Variants in GPR89B observed in about 807,000 individuals in gnomAD.
GPR89B encodes the protein golgi pH regulator B, also known as G protein-coupled receptor 89B.
GPR89B carries 25 observed loss-of-function variants against 52.4 expected under a neutral mutation model. The observed-to-expected ratio is 0.48, with a 90% CI of 0.35 to 0.67. The LOEUF (loss-of-function observed/expected upper bound fraction) is 0.67, where lower values mean the gene tolerates loss of function less well. Among genes scored for constraint, GPR89B ranks in the 30% least tolerant of loss-of-function variants. The pLI is 0.01. For synonymous variants in GPR89B, 52 were observed against 151.2 expected (o/e 0.34, Z 4.81); for missense variants, 146 against 450.2 (o/e 0.32, Z 6.11).
chr1:147,975,320 G>T (rs1217690960), intron 10 of GPR89B, among the ~76,000 whole-genome samples: 4 of 140,640 alleles, frequency 2.8e-5, no homozygotes, highest in Non-Finnish European at 6.2e-5. Context: ...TGGATGGTAG[G>T]CTTATTACTG....
chr1:147,958,070 G>GAA lies in GPR89B; in HGVS notation c.617+3678_617+3679dup. 3.0e-5 allele frequency among the ~76,000 whole-genome samples: 4 copies of GAA among 131,970 alleles called. 1 individual carries two copies. 86.6% of individuals were successfully genotyped at this position (131,970 alleles called of 152,430 possible). A position where few individuals can be genotyped will look rare whatever the true frequency, so the allele number is the denominator to read the frequency against. On this transcript the variant is annotated intron_variant, in intron 7 of 13. Coordinates refer to ENST00000314163, the MANE Select transcript of GPR89B (RefSeq NM_016334.5). Reference sequence around the variant, plus strand: ...TGGAGTGAGACTCCGTCTCAAAAAAGAAAAAAAAAAAGAATGATAAAGAAG... The same window carrying GAA: ...TGGAGTGAGACTCCGTCTCAAAAAAGAAAAAAAAAAAAAGAATGATAAAGAAG...
intron 7 of GPR89B, among the ~76,000 whole-genome samples, chr1:147,963,378 A>T (rs1243733594): frequency 7.1e-5 from 10 of 141,256 alleles, no homozygotes; most frequent in African/African-American, 2.4e-4. Context: ...TCCTTCTTAA[A>T]AAAAAAAAAA....
chr1:147,938,064 G>A (rs1482653616), intron 2 of GPR89B, among the ~76,000 whole-genome samples: 3 of 152,052 alleles, frequency 2.0e-5, no homozygotes, highest in South Asian at 2.1e-4. Flanking sequence ...CTTCTGCTGC[G>A]GCTTCAGCCA....
At chr1:147,985,052 T>G (rs1478270270) in intron 10 of GPR89B, among the ~76,000 whole-genome samples, 4 of 152,176 alleles carry the variant, frequency 2.6e-5, no homozygotes, top group Admixed American at 2.6e-4. Flanking sequence ...ATTTTATCAG[T>G]TATTGAGAGA....
chr1:147,964,727 TCTAA>T (rs1331286680), intron 7 of GPR89B, among the ~76,000 whole-genome samples: 4 of 149,120 alleles, frequency 2.7e-5, no homozygotes, highest in Non-Finnish European at 4.4e-5. Flanking sequence ...TCTATGTGCC[TCTAA>T]CTTTCACTTC....
downstream of GPR89B, chr1:147,994,438 G>A (rs1424109388): frequency 2.3e-5 from 16 of 697,406 alleles, no homozygotes; most frequent in South Asian, 3.7e-5. Context: ...GACTTAAGTC[G>A]GGGAGTAGAG....
chr1:147,928,719 G>A (rs1571205964), intron 1 of GPR89B, 141 bp downstream of exon 1: 12 of 1,303,728 alleles, frequency 9.2e-6, no homozygotes, highest in Non-Finnish European at 1.3e-5. Flanking sequence ...ACACAGAGAG[G>A]GTGTGCGATT....
the GPR89B span, among the ~76,000 whole-genome samples, chr1:148,007,225 A>G: frequency 2.7e-4 from 38 of 143,218 alleles, 1 homozygote; most frequent in African/African-American, 1.0e-3. Context: ...ACAGGCGCCC[A>G]CCACCACACC....
chr1:147,962,477 A>T, intron 7 of GPR89B, among the ~76,000 whole-genome samples: 1 of 151,496 alleles, frequency 6.6e-6, no homozygotes, highest in Non-Finnish European at 1.5e-5. Context: ...ACACCCAGCT[A>T]ATTTTTGACA....
At chr1:147,990,506 G>A (rs1658981534) in intron 12 of GPR89B, among the ~76,000 whole-genome samples, 1 of 152,092 alleles carries the variant, frequency 6.6e-6, no homozygotes, top group Non-Finnish European at 1.5e-5. Context: ...TGGTGTTTTA[G>A]ACATGAAGTC....
the GPR89B span, chr1:148,005,467 A>T: frequency 3.7e-6 from 6 of 1,605,084 alleles, no homozygotes; most frequent in Non-Finnish European, 5.1e-6. Context: ...TCTCATAGCC[A>T]CACCTTGAGG....
intron 5 of GPR89B, among the ~76,000 whole-genome samples, chr1:147,947,456 G>A (rs1371665683): frequency 6.6e-6 from 1 of 151,860 alleles, no homozygotes; most frequent in African/African-American, 2.4e-5. Context: ...AAGAGTAAGA[G>A]AGATTACAAA....
At chr1:148,019,184 C>G in the GPR89B span, among the ~76,000 whole-genome samples, 1 of 149,990 alleles carries the variant, frequency 6.7e-6, no homozygotes. Context: ...ACCATATTGG[C>G]CAGGCTGGTC....
At chr1:147,996,258 G>T (rs1659315780), downstream of GPR89B, among the ~76,000 whole-genome samples, 2 of 150,890 alleles carry the variant, frequency 1.3e-5, no homozygotes, top group South Asian at 4.2e-4. Context: ...GCCAATCAGG[G>T]TTGATAGTGA....
intron 10 of GPR89B, among the ~76,000 whole-genome samples, chr1:147,975,750 G>C (rs1657788087): frequency 1.3e-5 from 2 of 152,092 alleles, no homozygotes; most frequent in Non-Finnish European, 2.9e-5. Flanking sequence ...TGTGATGTTA[G>C]GGTGTCGATT....
chr1:147,971,880 A>G (rs1471138288), intron 10 of GPR89B, among the ~76,000 whole-genome samples: 9 of 151,540 alleles, frequency 5.9e-5, no homozygotes, highest in Non-Finnish European at 8.8e-5. Flanking sequence ...ATATATACCT[A>G]TGCAACAACC....
At chr1:147,978,050 G>C (rs1657969474) in intron 10 of GPR89B, among the ~76,000 whole-genome samples, 1 of 150,802 alleles carries the variant, frequency 6.6e-6, no homozygotes. Context: ...GAGGTGTTGT[G>C]ATCATTTGGA....
chr1:147,951,171 C>G (rs587619785), intron 5 of GPR89B, among the ~76,000 whole-genome samples: 4 of 151,206 alleles, frequency 2.6e-5, no homozygotes, highest in South Asian at 2.1e-4. Flanking sequence ...ATCTGTGTGG[C>G]CTTAACTAAG....
chr1:147,949,947 G>A (rs1236063879), intron 5 of GPR89B, among the ~76,000 whole-genome samples: 12 of 139,598 alleles, frequency 8.6e-5, no homozygotes, highest in Admixed American at 2.1e-4. Context: ...CCTCCCTCCC[G>A]GACGGTGCGG....
Sources: gnomAD v4.1 joint callset for allele counts (sites outside exome capture counted in the v4.1 genomes callset) on GRCh38, gnomAD v4.1.1 for gene constraint, MANE v1.5 for transcripts, NCBI Gene and HGNC (gene_info 2026-07-23, HGNC 2026-07-21) for gene names.